The following PDE8B variants were observed in gnomAD, a reference collection of about 807,000 sequenced individuals.
PDE8B encodes the protein high affinity cAMP-specific and IBMX-insensitive 3',5'-cyclic phosphodiesterase 8B.
A neutral mutation model predicts 101.3 loss-of-function variants in PDE8B; 26 were observed. The ratio of observed to expected loss-of-function variants is 0.26; its 90% CI spans 0.19 to 0.36. The LOEUF (loss-of-function observed/expected upper bound fraction) is 0.36, where lower values mean the gene tolerates loss of function less well. PDE8B is among the 10% of genes least tolerant of loss of function. The probability of loss-of-function intolerance (pLI) is 1.00; values close to 1 mark genes in which losing one functional copy is unlikely to be tolerated. For synonymous variants in PDE8B, 424 were observed against 429.3 expected (o/e 0.99, Z 0.15); for missense variants, 810 against 1,163.1 (o/e 0.70, Z 4.42).
chr5:77,315,200 AT>A (rs1461549426), intron 2 of PDE8B, among the ~76,000 whole-genome samples: 4 of 152,140 alleles, frequency 2.6e-5, no homozygotes, highest in South Asian at 4.1e-4. Flanking sequence ...AAAAATGGTT[AT>A]TGCTTTCTGT....
chr5:77,210,532 C>T (rs1388125482), upstream of PDE8B: 5 of 789,240 alleles, frequency 6.3e-6, no homozygotes, highest in Non-Finnish European at 6.1e-6. This position sits in a 1 kb window ranked among gnomAD's most constrained non-coding sequence, Gnocchi z 4.9. Context: ...GCGCCCTGGC[C>T]CAGGGCCGCG....
At chr5:77,123,574 A>G in the PDE8B span, among the ~76,000 whole-genome samples, 7 of 152,108 alleles carry the variant, frequency 4.6e-5, no homozygotes, top group African/African-American at 1.7e-4. Context: ...CCTGGGTAAC[A>G]TGGCGACATC....
chr5:77,284,051 T>A (rs768349321), intron 1 of PDE8B, among the ~76,000 whole-genome samples: 2 of 152,226 alleles, frequency 1.3e-5, no homozygotes, highest in Non-Finnish European at 2.9e-5. Flanking sequence ...TATTTCATTG[T>A]TGTTTTAATT....
At chr5:77,249,412 T>C (rs1023702575) in intron 1 of PDE8B, among the ~76,000 whole-genome samples, 3 of 152,196 alleles carry the variant, frequency 2.0e-5, no homozygotes, top group African/African-American at 7.2e-5. Flanking sequence ...GTGGCAAAGC[T>C]GAATTCTAGC....
At chr5:77,107,367 T>C in the PDE8B span, among the ~76,000 whole-genome samples, 85 of 152,374 alleles carry the variant, frequency 5.6e-4, 2 homozygotes, top group East Asian at 0.014. Flanking sequence ...ATTCACCTTG[T>C]ATCGTATGAC....
intron 14 of PDE8B, chr5:77,410,680 G>GGAT (rs1794386346): frequency 2.1e-5 from 1 of 46,608 alleles, no homozygotes; most frequent in African/African-American, 1.2e-4. Context: ...GGACAATTGT[G>GGAT]GCTGTTGTTA....
the PDE8B span, chr5:77,118,396 TC>T: frequency 5.5e-5 from 22 of 398,674 alleles, no homozygotes; most frequent in Admixed American, 8.8e-5. Flanking sequence ...AGCTTCTCTC[TC>T]AGCCTCATCC....
chr5:77,270,736 C>T (rs534754218), intron 1 of PDE8B, among the ~76,000 whole-genome samples: 3 of 152,284 alleles, frequency 2.0e-5, no homozygotes, highest in African/African-American at 7.2e-5. Context: ...ACTGCTTTGG[C>T]AGAAGGAAGA....
chr5:77,387,881 G>T (rs1274483039), intron 10 of PDE8B, among the ~76,000 whole-genome samples: 1 of 151,618 alleles, frequency 6.6e-6, no homozygotes, highest in Non-Finnish European at 1.5e-5. Flanking sequence ...ATTGATACTT[G>T]TGTATGCTTC....
At chr5:77,111,774 T>G in the PDE8B span, 2 of 152,146 alleles carry the variant, frequency 1.3e-5, no homozygotes, top group Admixed American at 1.3e-4. Context: ...AATCTCCTGA[T>G]TGCAGTGTCC....
chr5:77,316,356 C>T (rs1039418152), intron 2 of PDE8B, among the ~76,000 whole-genome samples: 2 of 152,130 alleles, frequency 1.3e-5, no homozygotes, highest in Non-Finnish European at 2.9e-5. Flanking sequence ...GCCTCAGCCT[C>T]CCAAGTACCT....
At chr5:77,372,909 T>C (rs1346939938) in intron 10 of PDE8B, among the ~76,000 whole-genome samples, 1 of 152,130 alleles carries the variant, frequency 6.6e-6, no homozygotes, top group Non-Finnish European at 1.5e-5. Context: ...GCCGCTATAA[T>C]CCCAGCTACT....
chr5:77,310,496 G>A (rs1772355278), intron 1 of PDE8B, among the ~76,000 whole-genome samples: 1 of 152,236 alleles, frequency 6.6e-6, no homozygotes, highest in Non-Finnish European at 1.5e-5. Context: ...AAGAGTAAGA[G>A]AAGTCCACAC....
the PDE8B span, among the ~76,000 whole-genome samples, chr5:77,137,144 C>T: frequency 2.6e-5 from 4 of 152,198 alleles, no homozygotes. Context: ...GCTTCTGTTT[C>T]TCATCTTTTT....
At chr5:77,315,104 C>T (rs1773519560) in intron 2 of PDE8B, among the ~76,000 whole-genome samples, 1 of 152,072 alleles carries the variant, frequency 6.6e-6, no homozygotes, top group Admixed American at 6.5e-5. Context: ...AGAACATTTT[C>T]TCTCAATCCG....
intron 2 of PDE8B, among the ~76,000 whole-genome samples, chr5:77,316,303 G>A (rs776718627): frequency 2.6e-5 from 4 of 151,908 alleles, no homozygotes; most frequent in Admixed American, 6.6e-5. Flanking sequence ...GCACGATCTC[G>A]GCTCACTGCA....
At chr5:77,097,216 T>C in the PDE8B span, among the ~76,000 whole-genome samples, 1 of 152,054 alleles carries the variant, frequency 6.6e-6, no homozygotes, top group African/African-American at 2.4e-5. Flanking sequence ...AAATTAGACA[T>C]GAAACCAGGG....
At chr5:77,426,057 C>T in intron 21 of PDE8B, 161 bp downstream of exon 21, 2 of 696,570 alleles carry the variant, frequency 2.9e-6, no homozygotes, top group East Asian at 2.7e-5. Flanking sequence ...TCTTTGCATC[C>T]CCAGCAGCTG....
At chr5:77,239,521 A>G (rs574824406) in intron 1 of PDE8B, among the ~76,000 whole-genome samples, 3 of 152,348 alleles carry the variant, frequency 2.0e-5, no homozygotes, top group East Asian at 3.9e-4. Flanking sequence ...CCCTGGGGCT[A>G]CTGATATCTG....
Sources: gnomAD v4.1 joint callset for allele counts (sites outside exome capture counted in the v4.1 genomes callset) on GRCh38, gnomAD v4.1.1 for gene constraint, Gnocchi (gnomAD v3.1) non-coding constraint, MANE v1.5 for transcripts, NCBI Gene and HGNC (gene_info 2026-07-23, HGNC 2026-07-21) for gene names.